Variants in C8A observed in about 807,000 individuals in gnomAD.
C8A encodes the protein complement C8 alpha chain, also known as complement component C8 alpha chain.
In C8A, 67 loss-of-function variants were observed where a neutral mutation model predicts 65.3. The ratio of observed to expected loss-of-function variants is 1.03; its 90% confidence interval spans 0.84 to 1.26. The LOEUF (loss-of-function observed/expected upper bound fraction) is 1.26. Ranked by LOEUF, C8A falls within the 50% of genes most tolerant of loss-of-function variation. C8A has a pLI of 0.00. For synonymous variants in C8A, 290 were observed against 259.4 expected (o/e 1.12, Z -1.13); for missense variants, 781 against 723.9 (o/e 1.08, Z -0.90).
chr1:56,877,937 C>G (rs1357102646), intron 4 of C8A, among the ~76,000 whole-genome samples: 1 of 152,134 alleles, frequency 6.6e-6, no homozygotes, highest in Non-Finnish European at 1.5e-5. Context: ...TGTTTTCTTT[C>G]ATACCAGCAG....
At chr1:56,881,850 T>C (rs901665923) in intron 5 of C8A, among the ~76,000 whole-genome samples, 5 of 152,170 alleles carry the variant, frequency 3.3e-5, no homozygotes, top group African/African-American at 4.8e-5. Flanking sequence ...AAATCTTGGC[T>C]CCATTCCAAA....
intron 7 of C8A, among the ~76,000 whole-genome samples, chr1:56,890,322 G>A (rs1475835275): frequency 3.9e-5 from 6 of 152,050 alleles, no homozygotes; most frequent in Non-Finnish European, 8.8e-5. Context: ...TTCTCCCATA[G>A]TTTCATCTGT....
In C8A at chr1:56,881,471, C is replaced by T; in HGVS notation, c.491C>T (p.Ala164Val). The change falls in exon 5 of 11, where the codon GCT becomes GTT. Residue 164 changes from alanine to valine, a missense_variant. Coordinates refer to ENST00000361249, the MANE Select transcript of C8A (RefSeq NM_000562.3). Reference sequence around the variant, plus strand: ...TACAATATCCTGACCCAGGAAGATGCTCAGAGTGTGTACGATGCCAGTTAT... The same window carrying T: ...TACAATATCCTGACCCAGGAAGATGTTCAGAGTGTGTACGATGCCAGTTAT... ...LGYNILTQEDAQSVYDASYYG... is the reference protein window; with the variant it reads ...LGYNILTQEDVQSVYDASYYG... 6.2e-7 allele frequency: 1 copy of T among 1,613,676 alleles called. No homozygotes were observed. The highest frequency in any genetic ancestry group is 1.1e-5 in the South Asian group (1 of 91,072).
At chr1:56,917,485 C>T in intron 10 of C8A, 80 bp from the exon 11 acceptor site, 2 of 1,482,260 alleles carry the variant, frequency 1.3e-6, no homozygotes, top group South Asian at 2.3e-5. Flanking sequence ...GCCACACACC[C>T]CTCCCTGTTC....
intron 7 of C8A, among the ~76,000 whole-genome samples, chr1:56,897,331 G>T (rs1330304406): frequency 6.6e-6 from 1 of 152,196 alleles, no homozygotes; most frequent in Non-Finnish European, 1.5e-5. Flanking sequence ...AGCAGAGTGT[G>T]CTGGCTGGTG....
At chr1:56,857,942 G>C (rs1406537658) in intron 1 of C8A, among the ~76,000 whole-genome samples, 6 of 151,902 alleles carry the variant, frequency 3.9e-5, no homozygotes, top group African/African-American at 1.4e-4. Flanking sequence ...GTTGTTGGCA[G>C]TTTATTTTCT....
At chr1:56,864,425 A>T (rs1258482864) in intron 1 of C8A, among the ~76,000 whole-genome samples, 1 of 152,128 alleles carries the variant, frequency 6.6e-6, no homozygotes, top group Non-Finnish European at 1.5e-5. Flanking sequence ...TTAGATGTTG[A>T]GATAATGGAG....
intron 1 of C8A, among the ~76,000 whole-genome samples, chr1:56,862,059 C>T (rs140833741): frequency 2.6e-5 from 4 of 152,168 alleles, no homozygotes; most frequent in Admixed American, 1.3e-4. Flanking sequence ...TTGTCCACAG[C>T]CCTATCCGAG....
chr1:56,909,329 C>T (rs1308174062), intron 9 of C8A, among the ~76,000 whole-genome samples: 1 of 152,216 alleles, frequency 6.6e-6, no homozygotes, highest in Admixed American at 6.5e-5. Flanking sequence ...TAGTCCTCCT[C>T]TTAAAACATA....
chr1:56,869,548 G>C (rs954204348), intron 2 of C8A, among the ~76,000 whole-genome samples: 3 of 152,106 alleles, frequency 2.0e-5, no homozygotes, highest in Admixed American at 6.6e-5. Flanking sequence ...TAGTGAGATT[G>C]CTAGATTGAA....
chr1:56,888,870 CT>C (rs1327020858), intron 7 of C8A, among the ~76,000 whole-genome samples: 1 of 152,146 alleles, frequency 6.6e-6, no homozygotes, highest in Non-Finnish European at 1.5e-5. Flanking sequence ...TACATAAACG[CT>C]GTGGCTCATT....
At chr1:56,859,061 T>G (rs757058988) in intron 1 of C8A, among the ~76,000 whole-genome samples, 1 of 152,218 alleles carries the variant, frequency 6.6e-6, no homozygotes, top group Admixed American at 6.5e-5. Context: ...TATTTCTCTT[T>G]TGTCAGAAAT....
intron 7 of C8A, among the ~76,000 whole-genome samples, chr1:56,891,235 G>A (rs1644342657): frequency 6.6e-6 from 1 of 152,082 alleles, no homozygotes; most frequent in Admixed American, 6.6e-5. Context: ...TGGGTGAGTG[G>A]ACAGCTTGTA....
chr1:56,912,347 T>C, intron 9 of C8A, 56 bp from the exon 10 acceptor site: 1 of 1,555,056 alleles, frequency 6.4e-7, no homozygotes, highest in East Asian at 2.2e-5. Context: ...GTTCTTGGGC[T>C]CTGGGAAGGT....
chr1:56,870,234 T>G (rs1644130383), intron 2 of C8A, among the ~76,000 whole-genome samples: 1 of 152,048 alleles, frequency 6.6e-6, no homozygotes, highest in Admixed American at 6.6e-5. Flanking sequence ...AGAGCCATGC[T>G]CCCTCTTAGA....
chr1:56,890,710 T>C (rs1260334463), intron 7 of C8A, among the ~76,000 whole-genome samples: 1 of 152,132 alleles, frequency 6.6e-6, no homozygotes, highest in Non-Finnish European at 1.5e-5. Context: ...TACTATAGTC[T>C]AGAGTCTTTG....
intron 2 of C8A, among the ~76,000 whole-genome samples, chr1:56,874,509 C>T (rs1167887063): frequency 2.0e-5 from 3 of 152,154 alleles, no homozygotes; most frequent in Admixed American, 6.5e-5. Context: ...CTTCTCTACC[C>T]TCAATATGAA....
chr1:56,866,251 A>T (rs78515843), intron 1 of C8A, among the ~76,000 whole-genome samples: 3 of 152,236 alleles, frequency 2.0e-5, no homozygotes, highest in African/African-American at 4.8e-5. Flanking sequence ...TAAACCAGAC[A>T]TTAAAGGGAT....
chr1:56,906,552 C>T, intron 7 of C8A, 115 bp from the exon 8 acceptor site: 1 of 1,210,084 alleles, frequency 8.3e-7, no homozygotes, highest in Non-Finnish European at 1.2e-6. Flanking sequence ...GCTTTCAACC[C>T]AGGCCTTTTG....
Sources: gnomAD v4.1 joint callset for allele counts (sites outside exome capture counted in the v4.1 genomes callset) on GRCh38, gnomAD v4.1.1 for gene constraint, MANE v1.5 for transcripts, NCBI Gene and HGNC (gene_info 2026-07-23, HGNC 2026-07-21) for gene names.